Variants in CCDC38 observed in about 807,000 individuals in gnomAD.
The protein encoded by CCDC38 is coiled-coil domain-containing protein 38.
In CCDC38, 69 loss-of-function variants were observed where a neutral mutation model predicts 72.8. The ratio of observed to expected loss-of-function variants is 0.95; its 90% CI spans 0.78 to 1.16. CCDC38 has a LOEUF of 1.16. Ranked by LOEUF, CCDC38 falls within the 50% of genes most tolerant of loss-of-function variation. The pLI, the probability that CCDC38 is intolerant of heterozygous loss-of-function variation, is 0.00. For missense variants in CCDC38, 626 were observed against 638.9 expected (o/e 0.98, Z 0.22); for synonymous variants, 201 against 213.2 (o/e 0.94, Z 0.50).
chr12:95,924,479 T>C (rs1430223194), intron 2 of CCDC38, among the ~76,000 whole-genome samples: 1 of 143,478 alleles, frequency 7.0e-6, no homozygotes, highest in Non-Finnish European at 1.5e-5. Context: ...TTTTCTCCCA[T>C]TTTGTAGGTT....
At chr12:95,927,591 C>G (rs971952458) in intron 2 of CCDC38, among the ~76,000 whole-genome samples, 1 of 152,088 alleles carries the variant, frequency 6.6e-6, no homozygotes, top group Non-Finnish European at 1.5e-5. Flanking sequence ...ATGATGTTAG[C>G]TGGTTATTTT....
rs768024812 is a variant in CCDC38 at position 95,936,126 on chromosome 12, T to G, written c.37+347A>C. Among the ~76,000 whole-genome samples the G allele has an allele frequency of 5.3e-4, 80 of 151,612 alleles. 1 individual carries two copies. Among genetic ancestry groups the G allele is most frequent in the Non-Finnish European group, 9.9e-4 (67 of 67,888 alleles). ...AAATAAAATAAATAAAAATAAAAAA[T>G]AGGCAGAAGGATAAGATGAGAAAGG... On this transcript the variant is annotated intron_variant, in intron 2 of 15. Transcript: ENST00000344280.
chr12:95,925,558 C>A (rs144506825), intron 2 of CCDC38, among the ~76,000 whole-genome samples: 1 of 152,114 alleles, frequency 6.6e-6, no homozygotes, highest in African/African-American at 2.4e-5. Flanking sequence ...ATTGCCCTGG[C>A]CAGAACTTCC....
chr12:95,919,574 A>G (rs1341301237), intron 2 of CCDC38: 2 of 456,102 alleles, frequency 4.4e-6, no homozygotes, highest in South Asian at 1.5e-5. Flanking sequence ...CCTGGGTAGA[A>G]GTCACAGCTC....
intron 2 of CCDC38, chr12:95,935,126 T>C (rs1231907969): frequency 6.6e-6 from 1 of 152,234 alleles, no homozygotes; most frequent in Non-Finnish European, 1.5e-5. Context: ...TAAATATTCC[T>C]GTACACACAT....
At chr12:95,932,567 G>C (rs1312323293) in intron 2 of CCDC38, among the ~76,000 whole-genome samples, 1 of 152,000 alleles carries the variant, frequency 6.6e-6, no homozygotes, top group African/African-American at 2.4e-5. Context: ...TATATAAAAG[G>C]CACTAAAAAA....
At chr12:95,873,989 C>T (rs1459880975) in intron 13 of CCDC38, among the ~76,000 whole-genome samples, 1 of 152,176 alleles carries the variant, frequency 6.6e-6, no homozygotes, top group Non-Finnish European at 1.5e-5. Flanking sequence ...TGGAGAAATA[C>T]ATAATAATAT....
rs1033111050 is a variant in CCDC38 at position 95,879,177 on chromosome 12, G to A, written c.1142+467C>T. 2.6e-5 allele frequency among the ~76,000 whole-genome samples: 4 copies of A among 151,998 alleles called. No homozygotes were observed. Among genetic ancestry groups the A allele is most frequent in the Non-Finnish European group, 4.4e-5 (3 of 68,010 alleles). ...CCTGACAGAAATCCTTTCTATATTC[G>A]CCCTGAGATATTGACAGGAACTTTA... is the stretch of plus-strand genomic sequence containing the variant. On this transcript the variant is annotated intron_variant, in intron 12 of 15. Transcript: ENST00000344280. The surrounding 1 kb of genome is among the most constrained non-coding windows in gnomAD (Gnocchi z 5.5).
chr12:95,876,396 G>T (rs1396873963), intron 13 of CCDC38, among the ~76,000 whole-genome samples: 1 of 152,092 alleles, frequency 6.6e-6, no homozygotes, highest in Non-Finnish European at 1.5e-5. Context: ...TAACACTACT[G>T]ACCCGTACAT....
In CCDC38 at chr12:95,919,014, A is replaced by G. The variant is rs757357770; in HGVS notation, c.38-38T>C. 3.9e-6 allele frequency: 5 copies of G among 1,281,546 alleles called. No homozygotes were observed. In the South Asian group the frequency reaches 6.0e-5, roughly 15 times the overall value. 79.4% of individuals were successfully genotyped at this position (1,281,546 alleles called of 1,614,324 possible). On this transcript the variant is annotated intron_variant, in intron 2 of 15. Coordinates refer to ENST00000344280, the MANE Select transcript of CCDC38 (RefSeq NM_182496.3). ...AAAGAATGAATGAATGAATTCTGTC[A>G]TCCTTCCTCTGCTGACCAGAATAGT...
chr12:95,929,126 C>A (rs1374471099), intron 2 of CCDC38, among the ~76,000 whole-genome samples: 1 of 152,210 alleles, frequency 6.6e-6, no homozygotes, highest in South Asian at 2.1e-4. Flanking sequence ...TGGCGGGCAC[C>A]CCTACCCCAG....
chr12:95,926,536 T>A (rs2080273239), intron 2 of CCDC38, among the ~76,000 whole-genome samples: 2 of 152,166 alleles, frequency 1.3e-5, no homozygotes, highest in Non-Finnish European at 2.9e-5. Context: ...TGTGTCTCTA[T>A]TTCCTTCAGT....
intron 9 of CCDC38, 38 bp downstream of exon 9, chr12:95,890,794 G>A (rs533767797): frequency 8.7e-6 from 11 of 1,264,848 alleles, no homozygotes; most frequent in African/African-American, 3.0e-5. Context: ...GGACACATTC[G>A]CAGGTTTTAC....
At position 95,872,269 on chromosome 12, in the gene CCDC38, T is replaced by C. The variant is rs1042851461; in HGVS notation, c.1470A>G (p.Lys490=). The change falls in exon 14 of 16, where the codon AAA becomes AAG. Residue 490 remains lysine, a synonymous_variant. Transcript: ENST00000344280. The stretch of plus-strand genomic sequence containing the variant: ...ATTGACTGTACTTTTGCCGCCATTC[T>C]TTCTGTTTCATCCTCTCAATTGCCT... ...NVEAIERMKQ[K]EWRQKFRDEK... is the part of the protein sequence containing the mutation. The C allele has an allele frequency of 4.3e-6, 7 of 1,614,096 alleles. No individual in the cohort carries two copies. The African/African-American group carries it at 9.3e-5, about 22-fold the overall frequency.
chr12:95,923,741 G>A (rs1266604648), intron 2 of CCDC38, among the ~76,000 whole-genome samples: 128 of 151,612 alleles, frequency 8.4e-4, no homozygotes, highest in African/African-American at 2.3e-3. Context: ...CCCTTCCTGT[G>A]TCCATGTGTT....
At chr12:95,867,302 T>C (rs2079530440) in intron 15 of CCDC38, 113 bp from the exon 16 acceptor site, 1 of 655,336 alleles carries the variant, frequency 1.5e-6, no homozygotes, top group Non-Finnish European at 2.7e-6. Flanking sequence ...ATATGGTTTG[T>C]AACATTAACT....
chr12:95,871,071 G>T (rs1203471838), intron 14 of CCDC38, among the ~76,000 whole-genome samples: 1 of 152,220 alleles, frequency 6.6e-6, no homozygotes, highest in Non-Finnish European at 1.5e-5. Flanking sequence ...CTGAGTACTA[G>T]TCTGCCTCTC....
chr12:95,924,947 GTAGTA>G (rs1231325091), intron 2 of CCDC38, among the ~76,000 whole-genome samples: 2 of 140,994 alleles, frequency 1.4e-5, no homozygotes, highest in African/African-American at 5.3e-5. Context: ...CTGTAGCCTT[GTAGTA>G]TAGTTTGAAG....
intron 10 of CCDC38, among the ~76,000 whole-genome samples, chr12:95,887,918 T>G (rs960190026): frequency 2.6e-5 from 4 of 152,188 alleles, no homozygotes; most frequent in Non-Finnish European, 4.4e-5. Context: ...TTTCCGTTTC[T>G]CTCAGTGATT....
Sources: gnomAD v4.1 joint callset for allele counts (sites outside exome capture counted in the v4.1 genomes callset) on GRCh38, gnomAD v4.1.1 for gene constraint, Gnocchi (gnomAD v3.1) non-coding constraint, MANE v1.5 for transcripts, NCBI Gene and HGNC (gene_info 2026-07-23, HGNC 2026-07-21) for gene names.